Variants in SFMBT2 observed in about 807,000 individuals in gnomAD.
SFMBT2 encodes scm-like with four MBT domains protein 2.
SFMBT2 carries 38 observed loss-of-function variants against 110.1 expected under a neutral mutation model. The observed-to-expected ratio is 0.35, with a 90% CI of 0.27 to 0.45. The LOEUF is 0.45. SFMBT2 is among the 20% of genes least tolerant of loss of function. The probability of loss-of-function intolerance (pLI) is 1.00; values close to 1 mark genes in which losing one functional copy is unlikely to be tolerated. For missense variants in SFMBT2, 1,011 were observed against 1,094.9 expected (o/e 0.92, Z 1.08); for synonymous variants, 425 against 425.4 (o/e 1.00, Z 0.01).
chr10:7,256,821 G>A (rs1841022520), intron 7 of SFMBT2, among the ~76,000 whole-genome samples: 1 of 152,270 alleles, frequency 6.6e-6, no homozygotes, highest in Non-Finnish European at 1.5e-5. Flanking sequence ...GCACAGGAAA[G>A]TAGTTGATGT....
At chr10:7,323,211 TG>T (rs1254483612) in intron 4 of SFMBT2, among the ~76,000 whole-genome samples, 1 of 152,050 alleles carries the variant, frequency 6.6e-6, no homozygotes, top group Non-Finnish European at 1.5e-5. Context: ...CCCAGCACTT[TG>T]GGAGGCTGAG....
intron 11 of SFMBT2, 134 bp downstream of exon 11, chr10:7,220,277 C>A (rs1052493670): frequency 7.5e-6 from 5 of 666,094 alleles, no homozygotes; most frequent in African/African-American, 7.3e-5. Flanking sequence ...TTTAAGAACA[C>A]GGAATAATTT....
intron 7 of SFMBT2, among the ~76,000 whole-genome samples, chr10:7,252,022 G>T (rs2767703): frequency 0.89 from 135,326 of 152,200 alleles, 60,265 homozygotes; most frequent in East Asian, 0.92. Context: ...TCCACAAAAC[G>T]CTTGCTCCAA....
At chr10:7,263,970 A>G (rs1564411302) in intron 7 of SFMBT2, 1 of 213,098 alleles carries the variant, frequency 4.7e-6, no homozygotes, top group Non-Finnish European at 8.1e-6. Context: ...GGTTAAATCT[A>G]TAATCACACT....
At chr10:7,306,735 AGG>A (rs369982440) in intron 4 of SFMBT2, among the ~76,000 whole-genome samples, 19,026 of 113,802 alleles carry the variant, frequency 0.17, 1,426 homozygotes, top group African/African-American at 0.25. Flanking sequence ...AGCCAAGAAA[AGG>A]GGGGAAAAAA....
At chr10:7,196,388 C>T (rs555184114) in intron 15 of SFMBT2, among the ~76,000 whole-genome samples, 8 of 152,346 alleles carry the variant, frequency 5.3e-5, no homozygotes, top group African/African-American at 1.9e-4. Flanking sequence ...TGAATGCCCA[C>T]CTGTGTGGCC....
chr10:7,220,494 G>C lies in SFMBT2; in HGVS notation c.1247C>G (p.Ala416Gly). The change falls in exon 11 of 21, where the codon GCT becomes GGT. Residue 416 changes from alanine (A) to glycine (G), a missense_variant. Transcript: ENST00000397167. ...RGFTKNMKLE[A>G]VNPRNPGELC... ...TTCTCCTGGATTCCTGGGGTTCACA[G>C]CTTCAAGTTTCATGTTCTTTGTGAA... 1 of 1,614,096 alleles carries C rather than the reference G, an allele frequency of 6.2e-7. No homozygotes were observed. The highest frequency in any genetic ancestry group is 8.5e-7 in the Non-Finnish European group (1 of 1,179,954).
intron 4 of SFMBT2, among the ~76,000 whole-genome samples, chr10:7,346,764 GT>G (rs1844123062): frequency 6.8e-6 from 1 of 147,070 alleles, no homozygotes; most frequent in African/African-American, 2.6e-5. Context: ...GAGGTCAAGA[GT>G]TCGAGACCAG....
At chr10:7,353,675 T>G (rs1844402811) in intron 4 of SFMBT2, among the ~76,000 whole-genome samples, 1 of 151,804 alleles carries the variant, frequency 6.6e-6, no homozygotes, top group Non-Finnish European at 1.5e-5. Context: ...ATTTCAATCA[T>G]CACAAAGGAT....
chr10:7,403,162 CA>C (rs1376546844), intron 1 of SFMBT2, among the ~76,000 whole-genome samples: 2 of 152,164 alleles, frequency 1.3e-5, no homozygotes, highest in Non-Finnish European at 2.9e-5. Flanking sequence ...TCTGCTCTCC[CA>C]CAGCCATCTG....
intron 4 of SFMBT2, among the ~76,000 whole-genome samples, chr10:7,347,419 C>T (rs12245410): frequency 0.024 from 3,710 of 152,190 alleles, 156 homozygotes; most frequent in African/African-American, 0.084. Flanking sequence ...TAAACCACAC[C>T]ATCAAAGCCC....
intron 4 of SFMBT2, among the ~76,000 whole-genome samples, chr10:7,316,979 A>G (rs1214958920): frequency 6.6e-6 from 1 of 152,226 alleles, no homozygotes; most frequent in African/African-American, 2.4e-5. Context: ...CTCTATTGAT[A>G]AATGTGATAT....
chr10:7,268,092 G>T (rs565976851), intron 7 of SFMBT2, among the ~76,000 whole-genome samples: 36 of 152,286 alleles, frequency 2.4e-4, no homozygotes, highest in African/African-American at 8.2e-4. Flanking sequence ...TATAAGAATT[G>T]CTGGGAACGA....
chr10:7,387,745 A>T (rs1845651042), intron 1 of SFMBT2, among the ~76,000 whole-genome samples: 1 of 151,458 alleles, frequency 6.6e-6, no homozygotes, highest in Non-Finnish European at 1.5e-5. Context: ...AGCCTGGCCA[A>T]CATGGCGAAA....
intron 7 of SFMBT2, among the ~76,000 whole-genome samples, chr10:7,256,912 T>G (rs1359127722): frequency 6.6e-6 from 1 of 152,078 alleles, no homozygotes; most frequent in Non-Finnish European, 1.5e-5. Context: ...GCCTACATTA[T>G]GAAACCCCAT....
intron 4 of SFMBT2, among the ~76,000 whole-genome samples, chr10:7,329,965 G>A (rs903609407): frequency 2.0e-5 from 3 of 152,200 alleles, no homozygotes; most frequent in African/African-American, 7.2e-5. Flanking sequence ...AAGAATTCTA[G>A]AGTCAGATTT....
chr10:7,172,097 G>A lies in SFMBT2; in HGVS notation c.2213C>T (p.Ser738Phe). ...GTCCGTCTGGTCATCCCGGAGCTCG[G>A]AGCCGGTCTCCTCACTGGCGGTGTC... ...DDDTASEETGSELRDDQTDTS... is the reference protein window; with the variant it reads ...DDDTASEETGFELRDDQTDTS... Residue 738 changes from serine (S) to phenylalanine (F), a missense_variant, in exon 19 of 21, where the codon TCC becomes TTC. Coordinates refer to ENST00000397167, the MANE Select transcript of SFMBT2 (RefSeq NM_001387889.1). The surrounding 1 kb of genome is among the most constrained non-coding windows in gnomAD (Gnocchi z 4.6). The A allele has an allele frequency of 6.2e-7, 1 of 1,605,148 alleles. No individual in the cohort carries two copies. The highest frequency in any genetic ancestry group is 8.5e-7 in the Non-Finnish European group (1 of 1,175,164).
At chr10:7,192,263 C>T (rs989794547) in intron 15 of SFMBT2, among the ~76,000 whole-genome samples, 7 of 152,210 alleles carry the variant, frequency 4.6e-5, no homozygotes, top group African/African-American at 9.7e-5. Context: ...GGACTGACTT[C>T]GCTGAGGTCA....
chr10:7,320,009 A>T (rs1275496363), intron 4 of SFMBT2, among the ~76,000 whole-genome samples: 2 of 151,892 alleles, frequency 1.3e-5, no homozygotes, highest in Admixed American at 1.3e-4. Context: ...AGGGAGACAG[A>T]GAAGGAGAGA....
Sources: gnomAD v4.1 joint callset for allele counts (sites outside exome capture counted in the v4.1 genomes callset) on GRCh38, gnomAD v4.1.1 for gene constraint, Gnocchi (gnomAD v3.1) non-coding constraint, MANE v1.5 for transcripts, NCBI Gene and HGNC (gene_info 2026-07-23, HGNC 2026-07-21) for gene names.